SLC5A4: variants seen among roughly 807,000 people sequenced by gnomAD.
SLC5A4 encodes probable glucose sensor protein SLC5A4.
A neutral mutation model predicts 70.3 loss-of-function variants in SLC5A4; 55 were observed. The observed-to-expected ratio is 0.78, with a 90% confidence interval of 0.63 to 0.98. The LOEUF (loss-of-function observed/expected upper bound fraction) is 0.98. Among genes scored for constraint, SLC5A4 ranks in the 50% least tolerant of loss-of-function variants. The pLI is 0.00. For synonymous variants in SLC5A4, 268 were observed against 305.7 expected (o/e 0.88, Z 1.29); for missense variants, 735 against 839.2 (o/e 0.88, Z 1.53).
chr22:32,270,306 T>G, the SLC5A4 span: 8 of 867,950 alleles, frequency 9.2e-6, no homozygotes, highest in East Asian at 1.7e-4. Flanking sequence ...ACCTGGAGAT[T>G]GTGGTTTGCT....
At chr22:32,348,052 C>T in the SLC5A4 span, among the ~76,000 whole-genome samples, 1 of 152,244 alleles carries the variant, frequency 6.6e-6, no homozygotes, top group Non-Finnish European at 1.5e-5. Flanking sequence ...ATAATAACAG[C>T]ATTGACGGCT....
At chr22:32,330,396 G>GA in the SLC5A4 span, among the ~76,000 whole-genome samples, 2 of 12,022 alleles carry the variant, frequency 1.7e-4, no homozygotes, top group African/African-American at 8.6e-4. Context: ...TCTGTGTATT[G>GA]GGGCTCTGGT....
the SLC5A4 span, among the ~76,000 whole-genome samples, chr22:32,330,837 TGTGTTGG>T: frequency 8.0e-6 from 1 of 125,638 alleles, no homozygotes; most frequent in African/African-American, 3.0e-5. Context: ...TGTGTGTGTG[TGTGTTGG>T]GGGCTCTGGT....
chr22:32,315,170 T>A, the SLC5A4 span, among the ~76,000 whole-genome samples: 1 of 152,118 alleles, frequency 6.6e-6, no homozygotes, highest in Non-Finnish European at 1.5e-5. Context: ...AGGGGTCAAG[T>A]TGTAAATGGA....
chr22:32,267,624 A>G, the SLC5A4 span, among the ~76,000 whole-genome samples: 2 of 152,186 alleles, frequency 1.3e-5, no homozygotes, highest in South Asian at 4.1e-4. Context: ...GACTACAGGC[A>G]CATGCCACTG....
Position 32,218,629 on chromosome 22 carries a change from G to A in SLC5A4, c.1865C>T (p.Ala622Val). ...CGTGTCTGTGAGCTTCTTGCTCAAG[G>A]CTTCCTCCTCCTCCTTGGTTAGCTT... ...GPKLTKEEEE[A>V]LSKKLTDTSE... The change falls in exon 15 of 15, where the codon GCC (alanine) becomes GTC (valine). Residue 622 changes from alanine to valine, a missense_variant. Ala to Val is a moderately conservative substitution (Grantham distance 64). Coordinates refer to ENST00000266086, the MANE Select transcript of SLC5A4 (RefSeq NM_014227.3). 2 of 1,613,842 alleles carry A rather than the reference G, an allele frequency of 1.2e-6. No individual in the cohort carries two copies. Among genetic ancestry groups the A allele is most frequent in the Non-Finnish European group, 8.5e-7 (1 of 1,179,932 alleles).
At chr22:32,350,526 A>G in the SLC5A4 span, among the ~76,000 whole-genome samples, 1 of 152,192 alleles carries the variant, frequency 6.6e-6, no homozygotes, top group African/African-American at 2.4e-5. Context: ...AATATTACTC[A>G]ATCTTAAAGG....
intron 14 of SLC5A4, among the ~76,000 whole-genome samples, chr22:32,219,077 A>C (rs1924897114): frequency 6.6e-6 from 1 of 152,252 alleles, no homozygotes; most frequent in Non-Finnish European, 1.5e-5. Context: ...AACAGTTGAA[A>C]GAAAAAAGAC....
the SLC5A4 span, among the ~76,000 whole-genome samples, chr22:32,323,761 C>T: frequency 6.6e-6 from 1 of 152,222 alleles, no homozygotes; most frequent in Non-Finnish European, 1.5e-5. Context: ...CTGCTCAGTT[C>T]CCTGGAAAAC....
At chr22:32,314,683 A>G in the SLC5A4 span, among the ~76,000 whole-genome samples, 1 of 152,146 alleles carries the variant, frequency 6.6e-6, no homozygotes, top group Admixed American at 6.6e-5. Flanking sequence ...CTGCTGATAA[A>G]GACATACCCA....
chr22:32,252,735 T>G (rs545503669), intron 2 of SLC5A4, among the ~76,000 whole-genome samples: 5 of 152,260 alleles, frequency 3.3e-5, no homozygotes, highest in Non-Finnish European at 7.4e-5. Flanking sequence ...CCTTTAATCA[T>G]ATGCAAAGAC....
the SLC5A4 span, among the ~76,000 whole-genome samples, chr22:32,337,210 G>A: frequency 1.9e-4 from 29 of 152,320 alleles, no homozygotes; most frequent in South Asian, 6.0e-3. Context: ...CTGGGTGCCT[G>A]TCTGTGGGTG....
At chr22:32,300,164 G>A in the SLC5A4 span, among the ~76,000 whole-genome samples, 1 of 152,180 alleles carries the variant, frequency 6.6e-6, no homozygotes, top group African/African-American at 2.4e-5. Context: ...AGGCCTCCTT[G>A]AGCTGTGGTG....
chr22:32,326,038 T>C, the SLC5A4 span, among the ~76,000 whole-genome samples: 17 of 152,158 alleles, frequency 1.1e-4, no homozygotes, highest in Non-Finnish European at 1.5e-5. Flanking sequence ...ACCTGCAACC[T>C]AAGTGGGAAG....
the SLC5A4 span, among the ~76,000 whole-genome samples, chr22:32,315,335 G>A: frequency 9.2e-5 from 14 of 152,228 alleles, no homozygotes; most frequent in Admixed American, 2.0e-4. Flanking sequence ...GAGAAGGAGA[G>A]AGGTAATACA....
Position 32,220,032 on chromosome 22 carries a change from AACACACAC to A in SLC5A4, c.1768+880_1768+887del, listed in dbSNP as rs3069413. On this transcript the variant is annotated intron_variant, in intron 14 of 14. Transcript: ENST00000266086. ...AATTTGATCAGTAATTAAGATGTGC[AACACACAC>A]ACACACACACACACACACACAGCCC... is the stretch of plus-strand genomic sequence containing the variant. Among the ~76,000 whole-genome samples, 99 of 149,788 alleles carry A rather than the reference AACACACAC, an allele frequency of 6.6e-4. 1 individual carries two copies. In the South Asian group the frequency reaches 0.016, roughly 24 times the overall value.
At chr22:32,273,280 G>A in the SLC5A4 span, 1 of 289,958 alleles carries the variant, frequency 3.4e-6, no homozygotes, top group Non-Finnish European at 6.9e-6. Flanking sequence ...AATTTACCCT[G>A]AGAAGATAAT....
At chr22:32,311,152 C>T in the SLC5A4 span, among the ~76,000 whole-genome samples, 2 of 152,228 alleles carry the variant, frequency 1.3e-5, no homozygotes, top group Admixed American at 1.3e-4. Context: ...GGGTCTCACT[C>T]ACTTGTCCCT....
the SLC5A4 span, among the ~76,000 whole-genome samples, chr22:32,313,145 G>A: frequency 5.9e-5 from 9 of 152,154 alleles, no homozygotes; most frequent in Non-Finnish European, 1.0e-4. Context: ...AGAATCAACA[G>A]GTTAATTAGT....
Sources: gnomAD v4.1 joint callset for allele counts (sites outside exome capture counted in the v4.1 genomes callset) on GRCh38, gnomAD v4.1.1 for gene constraint, MANE v1.5 for transcripts, NCBI Gene and HGNC (gene_info 2026-07-23, HGNC 2026-07-21) for gene names.